The following DNAH9 variants were observed in gnomAD, a reference collection of about 807,000 sequenced individuals.
DNAH9 encodes dynein axonemal heavy chain 9.
Under a neutral mutation model 471.6 loss-of-function variants are expected in DNAH9, and 345 were observed. The observed-to-expected ratio is 0.73, with a 90% CI of 0.67 to 0.80. The LOEUF (loss-of-function observed/expected upper bound fraction) is 0.80. Among genes scored for constraint, DNAH9 ranks in the 30% least tolerant of loss-of-function variants. DNAH9 has a pLI of 0.00. For missense variants in DNAH9, 5,407 were observed against 5,609.2 expected, an observed-to-expected ratio of 0.96 and a Z score of 1.15; for synonymous variants, 2,093 against 2,123.6, an observed-to-expected ratio of 0.99 and a Z score of 0.40.
At chr17:11,705,340 A>G (rs755916915) in intron 26 of DNAH9, 155 bp downstream of exon 26, 8 of 639,434 alleles carry the variant, frequency 1.3e-5, no homozygotes, top group Non-Finnish European at 2.2e-5. Context: ...GTGAAACTGA[A>G]AGGATGTAGG....
chr17:11,719,444 G>A lies in DNAH9; in HGVS notation c.5663G>A (p.Gly1888Asp), dbSNP rs372515319. Residue 1888 changes from glycine (G) to aspartate (D), a missense_variant, in exon 27 of 69, where the codon GGC (glycine) becomes GAC (aspartate). By Grantham distance (94) the Gly-to-Asp change is moderately conservative. This residue lies in a region of DNAH9 where 4,636 missense variants were observed against 4,900.3 expected (regional missense o/e 0.95). Transcript: ENST00000262442. ...ETTKDLGRAL[G>D]ILVYVFNCSE... ...ACCAAGGACCTGGGCCGCGCACTGG[G>A]CATCCTGGTCTATGTGTTCAACTGC... 1 of 1,613,680 alleles carries A rather than the reference G, an allele frequency of 6.2e-7. No individual in the cohort carries two copies. Among genetic ancestry groups the A allele is most frequent in the African/African-American group, 1.3e-5 (1 of 74,864 alleles).
chr17:11,963,398 CA>C (rs1976406297), intron 68 of DNAH9, among the ~76,000 whole-genome samples: 1 of 151,072 alleles, frequency 6.6e-6, no homozygotes, highest in Admixed American at 6.6e-5. Context: ...CGCACCATTG[CA>C]TTCCAGCCTG....
intron 17 of DNAH9, among the ~76,000 whole-genome samples, chr17:11,675,782 A>T (rs1381261098): frequency 6.6e-6 from 1 of 152,210 alleles, no homozygotes; most frequent in Non-Finnish European, 1.5e-5. Context: ...GATATGCCCA[A>T]CAAAAAGTAT....
chr17:11,660,835 A>G (rs2073747394), intron 14 of DNAH9, among the ~76,000 whole-genome samples: 1 of 152,068 alleles, frequency 6.6e-6, no homozygotes, highest in African/African-American at 2.4e-5. Context: ...TGTTCCTTGG[A>G]GACTTGATAA....
rs999112244 is a variant in DNAH9, at chr17:11,623,157, A to G, written c.1350+3376A>G. On this transcript the variant is annotated intron_variant, in intron 6 of 68. Coordinates refer to ENST00000262442, the MANE Select transcript of DNAH9 (RefSeq NM_001372.4). This position sits in a 1 kb window ranked among gnomAD's most constrained non-coding sequence, Gnocchi z 4.1. ...CCTGGTTAATTTTTGTATTTTTAGT[A>G]GAGACAGGGTCTTTCTGTGTTGGTC... is the stretch of plus-strand genomic sequence containing the variant. Among the ~76,000 whole-genome samples the G allele has an allele frequency of 2.0e-5, 3 of 151,694 alleles. No individual in the cohort carries two copies. Among genetic ancestry groups the G allele is most frequent in the Admixed American group, 2.0e-4 (3 of 15,272 alleles).
chr17:11,778,458 CAACA>C (rs1968547580), intron 38 of DNAH9, among the ~76,000 whole-genome samples: 1 of 149,266 alleles, frequency 6.7e-6, no homozygotes, highest in Non-Finnish European at 1.5e-5. Flanking sequence ...TAGTGGAAGT[CAACA>C]AACTGGCTTT....
chr17:11,752,773 G>T, intron 32 of DNAH9, 60 bp from the exon 33 acceptor site: 1 of 1,440,722 alleles, frequency 6.9e-7, no homozygotes, highest in Non-Finnish European at 9.3e-7. Context: ...GGAAAGCTGT[G>T]TTTAAGTGAA....
At chr17:11,723,315 C>T (rs1485705577) in intron 27 of DNAH9, 1 of 152,260 alleles carries the variant, frequency 6.6e-6, no homozygotes, top group East Asian at 1.9e-4. Context: ...ACTTCATGTC[C>T]TTCCTTCCCT....
intron 26 of DNAH9, among the ~76,000 whole-genome samples, chr17:11,718,841 C>T (rs2075008160): frequency 6.6e-6 from 1 of 152,106 alleles, no homozygotes; most frequent in Non-Finnish European, 1.5e-5. Context: ...TCACTCACCC[C>T]AGTGTTGGGG....
At chr17:11,688,580 A>G (rs1393709924) in intron 19 of DNAH9, among the ~76,000 whole-genome samples, 1 of 152,236 alleles carries the variant, frequency 6.6e-6, no homozygotes, top group Admixed American at 6.5e-5. Flanking sequence ...TTCACCATGA[A>G]TGATGACACC....
At chr17:11,769,425 A>G (rs1368004658) in intron 38 of DNAH9, 96 bp downstream of exon 38, 1 of 1,077,512 alleles carries the variant, frequency 9.3e-7, no homozygotes, top group Non-Finnish European at 1.4e-6. Context: ...GCCTGACTTG[A>G]GTTCTGCATA....
chr17:11,668,959 G>C lies in DNAH9; in HGVS notation c.2732-105G>C, dbSNP rs989079732. ...ATTTCCGTTTCCCTACAGTCTAGCA[G>C]CCTATCTAAAGAAAAGCATTGCTCT... On this transcript the variant is annotated intron_variant, in intron 15 of 68. Transcript: ENST00000262442. 5.4e-5 allele frequency: 42 copies of C among 781,890 alleles called. No homozygotes were observed. In the Middle Eastern group the frequency reaches 1.9e-3, roughly 36 times the overall value. The allele number at this position is 781,890 out of a possible 1,614,324, so 48.4% of individuals were successfully genotyped here.
At chr17:11,929,280 T>C (rs1339191143) in intron 62 of DNAH9, among the ~76,000 whole-genome samples, 1 of 152,004 alleles carries the variant, frequency 6.6e-6, no homozygotes, top group Non-Finnish European at 1.5e-5. Flanking sequence ...GTGATCCGCC[T>C]GCCTCAGCCT....
chr17:11,657,903 G>C lies in DNAH9; in HGVS notation c.2595+4901G>C, dbSNP rs377536805. Among the ~76,000 whole-genome samples the C allele has an allele frequency of 2.6e-5, 4 of 152,042 alleles. No homozygotes were observed. The East Asian group carries it at 5.8e-4, about 22-fold the overall frequency. ...CCAATGCCACTTGTTCTTGATTATT[G>C]ATCAAGAGAAAATTGATTATCAGTA... On this transcript the variant is annotated intron_variant, in intron 14 of 68. Coordinates refer to ENST00000262442, the MANE Select transcript of DNAH9 (RefSeq NM_001372.4).
chr17:11,604,437 G>A (rs569022998), intron 1 of DNAH9, among the ~76,000 whole-genome samples: 7 of 151,962 alleles, frequency 4.6e-5, no homozygotes, highest in Non-Finnish European at 1.0e-4. Flanking sequence ...AGTTCCACAA[G>A]CCATTTGTAT....
chr17:11,908,191 T>C (rs1170067247), intron 61 of DNAH9, among the ~76,000 whole-genome samples: 6 of 152,242 alleles, frequency 3.9e-5, no homozygotes, highest in African/African-American at 1.2e-4. Flanking sequence ...AATACTGCTG[T>C]ATTTTCATCT....
At chr17:11,967,746 C>T (rs1324106322) in intron 68 of DNAH9, among the ~76,000 whole-genome samples, 1 of 152,044 alleles carries the variant, frequency 6.6e-6, no homozygotes, top group East Asian at 1.9e-4. Context: ...TAAAAGAAAA[C>T]AGATGGAAAC....
chr17:11,922,170 T>C (rs1465103874), intron 61 of DNAH9, among the ~76,000 whole-genome samples: 1 of 152,260 alleles, frequency 6.6e-6, no homozygotes, highest in Non-Finnish European at 1.5e-5. Context: ...CGTTGTCCTG[T>C]ACATTTCAAT....
At chr17:11,687,947 A>G (rs2074267147) in intron 19 of DNAH9, among the ~76,000 whole-genome samples, 1 of 151,734 alleles carries the variant, frequency 6.6e-6, no homozygotes, top group South Asian at 2.1e-4. Flanking sequence ...CATCCTGGCC[A>G]ACATAGTGAA....
Sources: gnomAD v4.1 joint callset for allele counts (sites outside exome capture counted in the v4.1 genomes callset) on GRCh38, gnomAD v4.1.1 for gene constraint, gnomAD v4.1.1 regional missense constraint, Gnocchi (gnomAD v3.1) non-coding constraint, MANE v1.5 for transcripts, NCBI Gene and HGNC (gene_info 2026-07-23, HGNC 2026-07-21) for gene names.